The following NTN4 variants were observed in gnomAD, a reference collection of about 807,000 sequenced individuals.
NTN4 encodes netrin 4, also known as netrin-4.
Under a neutral mutation model 73.6 loss-of-function variants are expected in NTN4, and 32 were observed. The observed-to-expected ratio is 0.44, with a 90% confidence interval of 0.33 to 0.58. The LOEUF is 0.58. Among genes scored for constraint, NTN4 ranks in the 20% least tolerant of loss-of-function variants. The pLI, the probability that NTN4 is intolerant of heterozygous loss-of-function variation, is 0.04. For synonymous variants in NTN4, 258 were observed against 287.5 expected, an observed-to-expected ratio of 0.90 and a Z score of 1.04; for missense variants, 654 against 798.3, an observed-to-expected ratio of 0.82 and a Z score of 2.18.
intron 2 of NTN4, among the ~76,000 whole-genome samples, chr12:95,774,266 T>A (rs2079076949): frequency 6.6e-6 from 1 of 152,044 alleles, no homozygotes; most frequent in African/African-American, 2.4e-5. Flanking sequence ...AGCTCTGGAA[T>A]AGGTTAGCTC....
At chr12:95,685,260 C>T (rs998602530) in intron 5 of NTN4, among the ~76,000 whole-genome samples, 1 of 152,212 alleles carries the variant, frequency 6.6e-6, no homozygotes, top group Admixed American at 6.5e-5. Flanking sequence ...GCTTCTCAAT[C>T]AACCTACCCA....
chr12:95,683,752 A>G (rs779399480), intron 5 of NTN4, 41 bp from the exon 6 acceptor site: 1 of 1,498,446 alleles, frequency 6.7e-7, no homozygotes, highest in South Asian at 1.2e-5. Context: ...GACTGACTGT[A>G]GATCACCCGT....
Position 95,790,300 on chromosome 12 carries a change from A to G in NTN4, c.10T>C (p.Cys4Arg). 1 of 1,532,186 alleles carries G rather than the reference A, an allele frequency of 6.5e-7. No homozygotes were observed. The allele number at this position is 1,532,186 out of a possible 1,614,324, so 94.9% of individuals were successfully genotyped here. Residue 4 changes from cysteine to arginine, a missense_variant, in exon 1 of 10, where the codon TGC becomes CGC. Coordinates refer to ENST00000343702, the MANE Select transcript of NTN4 (RefSeq NM_021229.4). This position sits in a 1 kb window ranked among gnomAD's most constrained non-coding sequence, Gnocchi z 6.5. ...CCCCAGAGCAGCAGCAGCCGCGCGC[A>G]GCTCCCCATGGCCGGGAGGAGCCGG... is the stretch of plus-strand genomic sequence containing the variant. MGSCARLLLLWGCT... is the reference protein window; with the variant it reads MGSRARLLLLWGCT...
chr12:95,658,770 C>T lies in NTN4; in HGVS notation c.*316G>A. 5.5e-6 allele frequency: 1 copy of T among 182,070 alleles called. No homozygotes were observed. The highest frequency in any genetic ancestry group is 1.1e-5 in the Non-Finnish European group (1 of 88,060). The allele number at this position is 182,070 out of a possible 1,614,324, so 11.3% of individuals were successfully genotyped here. Reference sequence around the variant, plus strand: ...AACATCGCTGAAGCTGGAAGGCGTCCTTGTTAGAGGTACTGCCCTTAATGG... The same window carrying T: ...AACATCGCTGAAGCTGGAAGGCGTCTTTGTTAGAGGTACTGCCCTTAATGG... On this transcript the variant is annotated 3_prime_UTR_variant, in exon 10 of 10. Transcript: ENST00000343702.
At chr12:95,779,109 C>T (rs934399667) in intron 2 of NTN4, among the ~76,000 whole-genome samples, 13 of 152,156 alleles carry the variant, frequency 8.5e-5, no homozygotes, top group Non-Finnish European at 1.5e-4. Context: ...AATTCAACAG[C>T]CCTTCATGCT....
chr12:95,693,552 G>A (rs1378086445), intron 5 of NTN4, among the ~76,000 whole-genome samples: 1 of 151,812 alleles, frequency 6.6e-6, no homozygotes, highest in Non-Finnish European at 1.5e-5. Flanking sequence ...GAAACATGGT[G>A]AAAGTCCGTC....
chr12:95,732,564 C>A (rs761688873), intron 3 of NTN4, among the ~76,000 whole-genome samples: 6 of 152,052 alleles, frequency 3.9e-5, no homozygotes, highest in Non-Finnish European at 7.4e-5. Context: ...CCACCACACC[C>A]AGCTAATTTT....
At chr12:95,741,990 C>T (rs1044241641) in intron 2 of NTN4, among the ~76,000 whole-genome samples, 7 of 152,070 alleles carry the variant, frequency 4.6e-5, no homozygotes, top group African/African-American at 1.4e-4. Context: ...CCTACCTAAC[C>T]TTTGGAATCT....
At chr12:95,722,425 AG>A (rs149877364) in intron 3 of NTN4, among the ~76,000 whole-genome samples, 14,223 of 152,080 alleles carry the variant, frequency 0.094, 924 homozygotes, top group Non-Finnish European at 0.14. Context: ...CATAAATTGG[AG>A]ACCAGCCTCG....
In NTN4 at chr12:95,713,276, C is replaced by T. The variant is rs745601728; in HGVS notation, c.927G>A (p.Pro309=). The T allele has an allele frequency of 8.1e-6, 13 of 1,613,386 alleles. No homozygotes were observed. In the East Asian group the frequency reaches 1.1e-4, roughly 14 times the overall value. Residue 309 remains proline (P), a synonymous_variant, in exon 4 of 10, where the codon CCG becomes CCA. Transcript: ENST00000343702. Reference sequence around the variant, plus strand: ...CCTCCCATGGCCGGTCATTGTATAACGGGGCACAGTGCTGGCAGTGGCTGC... The same window carrying T: ...CCTCCCATGGCCGGTCATTGTATAATGGGGCACAGTGCTGGCAGTGGCTGC... ...TAGSHCQHCA[P]LYNDRPWEAA...
intron 3 of NTN4, among the ~76,000 whole-genome samples, chr12:95,737,329 A>G (rs1369126241): frequency 6.6e-6 from 1 of 152,164 alleles, no homozygotes; most frequent in Non-Finnish European, 1.5e-5. Flanking sequence ...GATGCAGAGA[A>G]GTAAAAATTC....
At chr12:95,673,003 G>C in intron 7 of NTN4, 1 of 1,277,786 alleles carries the variant, frequency 7.8e-7, no homozygotes, top group East Asian at 2.4e-5. Context: ...GGAGTTCCTG[G>C]GGGATGAAGG....
At chr12:95,715,927 G>C (rs2078601716) in intron 3 of NTN4, among the ~76,000 whole-genome samples, 1 of 152,042 alleles carries the variant, frequency 6.6e-6, no homozygotes, top group Non-Finnish European at 1.5e-5. Context: ...TGACTTCAAA[G>C]AAAAGAGAGT....
At chr12:95,770,976 T>C (rs1291185191) in intron 2 of NTN4, among the ~76,000 whole-genome samples, 2 of 146,440 alleles carry the variant, frequency 1.4e-5, no homozygotes, top group East Asian at 4.1e-4. Context: ...AGATGAACCA[T>C]CCAGGAAAAG....
rs376948200 is a variant in NTN4 at position 95,751,883 on chromosome 12, A to G, written c.586-13739T>C. 5.4e-4 allele frequency among the ~76,000 whole-genome samples: 52 copies of G among 96,504 alleles called. No individual in the cohort carries two copies. The East Asian group carries it at 0.011, about 21-fold the overall frequency. 63.3% of individuals were successfully genotyped at this position (96,504 alleles called of 152,430 possible). A position where few individuals can be genotyped will look rare whatever the true frequency, so the allele number is the denominator to read the frequency against. On this transcript the variant is annotated intron_variant, in intron 2 of 9. Coordinates refer to ENST00000343702, the MANE Select transcript of NTN4 (RefSeq NM_021229.4). ...CCCAACTCTGGTGCCAACTTAGACA[A>G]TACCCTTTTAAGCACTCCTTTTTAG...
intron 2 of NTN4, among the ~76,000 whole-genome samples, chr12:95,748,910 C>T (rs2078882467): frequency 6.6e-6 from 1 of 152,234 alleles, no homozygotes; most frequent in Non-Finnish European, 1.5e-5. Context: ...CTGTGACTTG[C>T]ACATATACGC....
In NTN4 at chr12:95,696,873, T is replaced by C. The variant is rs553687057; in HGVS notation, c.1181-13162A>G. On this transcript the variant is annotated intron_variant, in intron 5 of 9. Transcript: ENST00000343702. ...CAGTCCAGCTTTATTATTTATTTTTTGTAAGAAAAGTTCTTTCCAGGCACG... is the reference window on the plus strand; with the variant it reads ...CAGTCCAGCTTTATTATTTATTTTTCGTAAGAAAAGTTCTTTCCAGGCACG... Among the ~76,000 whole-genome samples, 6 of 152,296 alleles carry C rather than the reference T, an allele frequency of 3.9e-5. No homozygotes were observed. In the South Asian group the frequency reaches 1.2e-3, roughly 32 times the overall value.
intron 2 of NTN4, among the ~76,000 whole-genome samples, chr12:95,749,065 A>C (rs930812811): frequency 5.3e-5 from 8 of 152,124 alleles, no homozygotes; most frequent in African/African-American, 1.9e-4. Context: ...GAAGCTCCCC[A>C]ACTGAGCACC....
chr12:95,717,748 G>A (rs564392918), intron 3 of NTN4, among the ~76,000 whole-genome samples: 1 of 151,920 alleles, frequency 6.6e-6, no homozygotes, highest in East Asian at 1.9e-4. Flanking sequence ...AACTAGATAA[G>A]GAGCAGGAAA....
Sources: allele counts gnomAD v4.1 joint callset (sites outside exome capture counted in the v4.1 genomes callset), GRCh38; gene constraint gnomAD v4.1.1; non-coding constraint Gnocchi (gnomAD v3.1); transcripts MANE v1.5; gene names NCBI Gene and HGNC (gene_info 2026-07-23, HGNC 2026-07-21).